R3HDM1: variants seen among roughly 807,000 people sequenced by gnomAD.
R3HDM1 encodes R3H domain containing 1.
Under a neutral mutation model 141.1 loss-of-function variants are expected in R3HDM1, and 46 were observed. That is an observed-to-expected ratio of 0.33 (90% confidence interval 0.26 to 0.42). The LOEUF is 0.42. Among genes scored for constraint, R3HDM1 ranks in the 10% least tolerant of loss-of-function variants. R3HDM1 has a pLI of 1.00. For missense variants in R3HDM1, 1,184 were observed against 1,368.3 expected (o/e 0.87, Z 2.12); for synonymous variants, 435 against 472.9 (o/e 0.92, Z 1.04).
At chr2:135,577,939 G>A (rs1705869885) in intron 1 of R3HDM1, among the ~76,000 whole-genome samples, 1 of 151,976 alleles carries the variant, frequency 6.6e-6, no homozygotes, top group East Asian at 1.9e-4. Context: ...TCTGTGCAAG[G>A]CACCTTCAGA....
chr2:135,570,189 ATTC>A (rs1170585969), intron 1 of R3HDM1, among the ~76,000 whole-genome samples: 1 of 152,222 alleles, frequency 6.6e-6, no homozygotes, highest in Non-Finnish European at 1.5e-5. Flanking sequence ...CAACTAAATT[ATTC>A]TTATTTTCTG....
At chr2:135,626,148 C>T (rs1286024664) in intron 7 of R3HDM1, among the ~76,000 whole-genome samples, 1 of 152,078 alleles carries the variant, frequency 6.6e-6, no homozygotes. Context: ...AATTGGAGGA[C>T]ACCCAGCTGT....
chr2:135,541,037 G>A (rs1169268096), intron 1 of R3HDM1, among the ~76,000 whole-genome samples: 2 of 152,108 alleles, frequency 1.3e-5, no homozygotes, highest in Admixed American at 1.3e-4. Flanking sequence ...AGGGTTTTAA[G>A]TATTCGTAAA....
At chr2:135,601,898 G>T (rs1199934702) in intron 1 of R3HDM1, among the ~76,000 whole-genome samples, 1 of 150,752 alleles carries the variant, frequency 6.6e-6, no homozygotes, top group African/African-American at 2.4e-5. Context: ...CTGGCCTCAA[G>T]TGATCCTCCT....
In R3HDM1 at chr2:135,616,726, C is replaced by A. The variant is rs955776863; in HGVS notation, c.272C>A (p.Pro91His). ...GCAGTGTGTGAAGAATCTCCACCAC[C>A]CCCTGCACCAGAGATATCACAGGAG... ...SLAVCEESPPPPAPEISQENQ... is the reference protein window; with the variant it reads ...SLAVCEESPPHPAPEISQENQ... The change falls in exon 5 of 27, where the codon CCC (proline) becomes CAC (histidine). Residue 91 changes from proline to histidine, a missense_variant. By Grantham distance (77) the Pro-to-His change is moderately conservative. Transcript: ENST00000683871. 3.7e-6 allele frequency: 6 copies of A among 1,608,674 alleles called. No individual in the cohort carries two copies. The highest frequency in any genetic ancestry group is 5.1e-6 in the Non-Finnish European group (6 of 1,176,584).
intron 1 of R3HDM1, among the ~76,000 whole-genome samples, chr2:135,552,385 G>A (rs1305667983): frequency 6.6e-6 from 1 of 151,922 alleles, no homozygotes; most frequent in Admixed American, 6.6e-5. Flanking sequence ...TAGTAGAGAC[G>A]GGGTTTCGCC....
At chr2:135,589,510 T>C (rs1708726837) in intron 1 of R3HDM1, among the ~76,000 whole-genome samples, 1 of 152,092 alleles carries the variant, frequency 6.6e-6, no homozygotes, top group Non-Finnish European at 1.5e-5. Context: ...TGACCAACCC[T>C]CCTTCTGATT....
chr2:135,580,443 C>G (rs1706555443), intron 1 of R3HDM1, among the ~76,000 whole-genome samples: 1 of 151,880 alleles, frequency 6.6e-6, no homozygotes. Flanking sequence ...GTTTTTTTTG[C>G]AATATTATTG....
intron 1 of R3HDM1, among the ~76,000 whole-genome samples, chr2:135,545,058 G>A (rs1171057390): frequency 6.6e-6 from 1 of 152,120 alleles, no homozygotes; most frequent in East Asian, 1.9e-4. Context: ...CATAAATACT[G>A]ACCCAAATCA....
chr2:135,574,719 C>G (rs1277043772), intron 1 of R3HDM1, among the ~76,000 whole-genome samples: 2 of 152,152 alleles, frequency 1.3e-5, no homozygotes, highest in Non-Finnish European at 2.9e-5. Context: ...GAGGAAAACT[C>G]AGTGTCTCCA....
chr2:135,604,987 C>T lies in R3HDM1; in HGVS notation c.142C>T (p.His48Tyr). ...YGKILVEKNE[H>Y]CIENNIDLQR... ...GAAGATTTTGGTAGAGAAGAATGAA[C>T]ATTGTATTGAGAACAATATAGATTT... Residue 48 changes from histidine (H) to tyrosine (Y), a missense_variant, in exon 3 of 27, where the codon CAT becomes TAT. Transcript: ENST00000683871. The T allele has an allele frequency of 6.2e-7, 1 of 1,608,992 alleles. No individual in the cohort carries two copies. The highest frequency in any genetic ancestry group is 8.5e-7 in the Non-Finnish European group (1 of 1,176,072).
At chr2:135,704,952 A>C (rs1238422973) in intron 21 of R3HDM1, among the ~76,000 whole-genome samples, 2 of 152,170 alleles carry the variant, frequency 1.3e-5, no homozygotes, top group Non-Finnish European at 2.9e-5. Flanking sequence ...TTATTGAACC[A>C]TCTTGTAAGC....
intron 1 of R3HDM1, among the ~76,000 whole-genome samples, chr2:135,593,205 C>G (rs1390770276): frequency 6.6e-6 from 1 of 152,142 alleles, no homozygotes; most frequent in African/African-American, 2.4e-5. Flanking sequence ...CAGGCACGAG[C>G]CACCACTCCT....
intron 1 of R3HDM1, among the ~76,000 whole-genome samples, chr2:135,541,363 A>G (rs1156917435): frequency 6.6e-6 from 1 of 151,990 alleles, no homozygotes; most frequent in Admixed American, 6.6e-5. Context: ...GCCCGCCACC[A>G]TGCCCGGCTA....
Position 135,710,064 on chromosome 2 carries a change from C to G in R3HDM1, c.2569C>G (p.Pro857Ala). 1 of 1,612,860 alleles carries G rather than the reference C, an allele frequency of 6.2e-7. No homozygotes were observed. Among genetic ancestry groups the G allele is most frequent in the Non-Finnish European group, 8.5e-7 (1 of 1,179,434 alleles). ...QLQGHQCTAG[P>A]PPPPGGGMVM... ...TCCTAAATTCTGATTTTCAGCTGGA[C>G]CACCACCGCCACCTGGTGGGGGGAT... Residue 857 changes from proline to alanine, a missense_variant, in exon 23 of 27, where the codon CCA becomes GCA. By Grantham distance (27) the Pro-to-Ala change is conservative. This residue lies in a region of R3HDM1 where 563 missense variants were observed against 562.0 expected (regional missense o/e 1.00). Coordinates refer to ENST00000683871, the MANE Select transcript of R3HDM1 (RefSeq NM_001378107.1).
At chr2:135,557,141 TC>T (rs1235076379) in intron 1 of R3HDM1, among the ~76,000 whole-genome samples, 1 of 152,218 alleles carries the variant, frequency 6.6e-6, no homozygotes, top group African/African-American at 2.4e-5. Context: ...AAGATCCAGA[TC>T]TAGAATTCTA....
chr2:135,617,631 C>T (rs1355541031), intron 5 of R3HDM1, among the ~76,000 whole-genome samples: 2 of 152,218 alleles, frequency 1.3e-5, no homozygotes, highest in Non-Finnish European at 1.5e-5. Context: ...CTTTTTAATG[C>T]TATGACTACT....
chr2:135,678,918 C>T (rs2069717422), intron 20 of R3HDM1, among the ~76,000 whole-genome samples: 1 of 151,816 alleles, frequency 6.6e-6, no homozygotes, highest in South Asian at 2.1e-4. Context: ...CGCCACTACT[C>T]CCGGCTAATT....
At chr2:135,684,395 A>G (rs1282726401) in intron 21 of R3HDM1, among the ~76,000 whole-genome samples, 1 of 152,046 alleles carries the variant, frequency 6.6e-6, no homozygotes, top group Admixed American at 6.6e-5. Context: ...AGCCGAACAT[A>G]TTTCTTAAAT....
Sources: gnomAD v4.1 joint callset for allele counts (sites outside exome capture counted in the v4.1 genomes callset) on GRCh38, gnomAD v4.1.1 for gene constraint, gnomAD v4.1.1 regional missense constraint, MANE v1.5 for transcripts, NCBI Gene and HGNC (gene_info 2026-07-23, HGNC 2026-07-21) for gene names.